TCF3: variants seen among roughly 807,000 people sequenced by gnomAD.
TCF3 encodes the protein transcription factor E2-alpha.
A neutral mutation model predicts 72.3 loss-of-function variants in TCF3; 54 were observed. That is an observed-to-expected ratio of 0.75 (90% confidence interval 0.60 to 0.94). The LOEUF (loss-of-function observed/expected upper bound fraction) is 0.94, where lower values mean the gene tolerates loss of function less well. Ranked by LOEUF, TCF3 falls within the 40% of genes least tolerant of loss-of-function variation. The pLI, the probability that TCF3 is intolerant of heterozygous loss-of-function variation, is 0.00. For synonymous variants in TCF3, 525 were observed against 412.6 expected (o/e 1.27, Z -3.30); for missense variants, 1,078 against 934.4 (o/e 1.15, Z -2.00).
chr19:1,638,460 T>G (rs1284419070), intron 3 of TCF3, among the ~76,000 whole-genome samples: 2 of 152,224 alleles, frequency 1.3e-5, no homozygotes, highest in Non-Finnish European at 2.9e-5. Flanking sequence ...TTTTTTTGTA[T>G]TTTTAACAGA....
intron 6 of TCF3, 132 bp downstream of exon 6, chr19:1,627,225 AAG>A: frequency 4.0e-5 from 3 of 74,268 alleles, no homozygotes; most frequent in East Asian, 4.0e-4. Flanking sequence ...ACCCTGGCCC[AAG>A]CCCAGCCTGG....
At chr19:1,621,597 G>C (rs575119844) in intron 11 of TCF3, among the ~76,000 whole-genome samples, 4 of 152,182 alleles carry the variant, frequency 2.6e-5, no homozygotes, top group Admixed American at 1.3e-4. Context: ...GTCCCTCTCT[G>C]AGCCTCTTTC....
chr19:1,619,785 C>T lies in TCF3; in HGVS notation c.1162G>A (p.Gly388Ser), dbSNP rs1253984046. The T allele has an allele frequency of 7.7e-6, 12 of 1,554,204 alleles. No homozygotes were observed. The highest frequency in any genetic ancestry group is 1.4e-5 in the African/African-American group (1 of 73,228). ...GGGGCGGGGCAGGCACTCACCAGGC[C>T]GTGGAGACCCCCGTCGTAGCTGGGC... is the stretch of plus-strand genomic sequence containing the variant. ...LSPSYDGGLH[G>S]LQSKIEDHLD... Residue 388 changes from glycine to serine, a missense_variant, in exon 14 of 19, where the codon GGC (glycine) becomes AGC (serine). By Grantham distance (56) the Gly-to-Ser change is moderately conservative. Transcript: ENST00000262965.
chr19:1,619,605 GCATCTGGCGCCCGGGAGCACA>G (rs2146008375), intron 14 of TCF3, 131 bp from the exon 15 acceptor site: 2 of 1,362,498 alleles, frequency 1.5e-6, no homozygotes, highest in South Asian at 2.9e-5. Flanking sequence ...CATATGCCAG[GCATCTGGCGCCCGGGAGCACA>G]CACAAAATGT....
At chr19:1,620,773 C>T (rs532950150) in intron 13 of TCF3, among the ~76,000 whole-genome samples, 195 bp downstream of exon 13, 10 of 152,318 alleles carry the variant, frequency 6.6e-5, no homozygotes, top group East Asian at 5.8e-4. Flanking sequence ...CTCCCTTCCA[C>T]CGTCGGTTCC....
chr19:1,646,527 G>A lies in TCF3; in HGVS notation c.73-100C>T, dbSNP rs58359903. On this transcript the variant is annotated intron_variant, in intron 2 of 18. Transcript: ENST00000262965. ...GCTGGGAGCAGAGCTGGGGACACCC[G>A]GGAACCTGAGACTGCGCTCCATCTA... 2,606 of 1,092,506 alleles carry A rather than the reference G, an allele frequency of 2.4e-3. 47 individuals are homozygous for A. The African/African-American group carries it at 0.035, about 15-fold the overall frequency. The allele number at this position is 1,092,506 out of a possible 1,614,324, so 67.7% of individuals were successfully genotyped here.
At chr19:1,648,137 G>C (rs1462680733) in intron 2 of TCF3, among the ~76,000 whole-genome samples, 1 of 152,336 alleles carries the variant, frequency 6.6e-6, no homozygotes, top group East Asian at 1.9e-4. Flanking sequence ...GAACAGCCTG[G>C]GTTAGCGTTC....
chr19:1,651,802 C>G (rs552603324), intron 1 of TCF3, among the ~76,000 whole-genome samples: 24 of 151,788 alleles, frequency 1.6e-4, no homozygotes, highest in Middle Eastern at 3.4e-3. Flanking sequence ...CCCGCGCGCC[C>G]CCCCCCGGCC....
chr19:1,626,407 G>A (rs1315473069), intron 6 of TCF3, among the ~76,000 whole-genome samples: 2 of 151,696 alleles, frequency 1.3e-5, no homozygotes, highest in Non-Finnish European at 2.9e-5. Context: ...CCAAGATTGC[G>A]CCATTGAACT....
intron 3 of TCF3, among the ~76,000 whole-genome samples, chr19:1,633,828 AGCT>A (rs1469808222): frequency 3.7e-4 from 57 of 152,294 alleles, no homozygotes; most frequent in African/African-American, 1.3e-3. Flanking sequence ...TGAACAGGGC[AGCT>A]GCTGAGGCCA....
intron 3 of TCF3, among the ~76,000 whole-genome samples, chr19:1,638,971 G>T (rs2145253700): frequency 6.6e-6 from 1 of 152,346 alleles, no homozygotes; most frequent in East Asian, 1.9e-4. Flanking sequence ...GATACAACCA[G>T]GAGCACAAAG....
At chr19:1,621,630 G>A (rs573123575) in intron 11 of TCF3, among the ~76,000 whole-genome samples, 1 of 152,304 alleles carries the variant, frequency 6.6e-6, no homozygotes, top group Admixed American at 6.5e-5. Flanking sequence ...CGGGAAAGCC[G>A]CTCCTCAAAG....
At position 1,643,618 on chromosome 19, in the gene TCF3, C is replaced by T. The variant is rs571537458; in HGVS notation, c.145+2737G>A. Among the ~76,000 whole-genome samples, 23 of 152,250 alleles carry T rather than the reference C, an allele frequency of 1.5e-4. 1 individual carries two copies. The highest frequency in any genetic ancestry group is 1.2e-3 in the South Asian group (6 of 4,824). ...GCAGCCTTGACCTCCTGGCCTCAAG[C>T]GATCCTCCTGCCTTGGCCTCCCAAA... On this transcript the variant is annotated intron_variant, in intron 3 of 18. Coordinates refer to ENST00000262965, the MANE Select transcript of TCF3 (RefSeq NM_003200.5).
chr19:1,649,520 C>G (rs1430445605), intron 2 of TCF3, among the ~76,000 whole-genome samples: 1 of 152,196 alleles, frequency 6.6e-6, no homozygotes, highest in Non-Finnish European at 1.5e-5. Flanking sequence ...AGTGATTCTC[C>G]TTGCCTCAGC....
chr19:1,649,306 A>C (rs1467016532), intron 2 of TCF3, among the ~76,000 whole-genome samples: 1 of 152,200 alleles, frequency 6.6e-6, no homozygotes, highest in Non-Finnish European at 1.5e-5. Context: ...AATTAACCAC[A>C]CAGTCAGTTT....
At chr19:1,621,727 G>C (rs571824839) in intron 11 of TCF3, 111 bp downstream of exon 11, 4 of 1,373,190 alleles carry the variant, frequency 2.9e-6, no homozygotes, top group Non-Finnish European at 2.9e-6. Flanking sequence ...CCGCTCTCAG[G>C]GCCAGCAGAC....
chr19:1,629,299 G>A (rs1383846313), intron 5 of TCF3, among the ~76,000 whole-genome samples: 14 of 152,076 alleles, frequency 9.2e-5, no homozygotes, highest in Admixed American at 7.2e-4. Context: ...CCCGGGGCCT[G>A]TGCACACCGC....
At chr19:1,635,958 C>A (rs1338670937) in intron 3 of TCF3, among the ~76,000 whole-genome samples, 1 of 152,166 alleles carries the variant, frequency 6.6e-6, no homozygotes, top group Non-Finnish European at 1.5e-5. Flanking sequence ...CGTGCCTCGC[C>A]CCGTCTCTTC....
chr19:1,642,308 G>A (rs912771238), intron 3 of TCF3, among the ~76,000 whole-genome samples: 2 of 151,634 alleles, frequency 1.3e-5, no homozygotes, highest in African/African-American at 4.9e-5. Flanking sequence ...ACACACACCC[G>A]CACGCACACA....
Sources: allele counts gnomAD v4.1 joint callset (sites outside exome capture counted in the v4.1 genomes callset), GRCh38; gene constraint gnomAD v4.1.1; transcripts MANE v1.5; gene names NCBI Gene and HGNC (gene_info 2026-07-23, HGNC 2026-07-21).